Variants in RLBP1 observed in about 807,000 individuals in gnomAD.
RLBP1 encodes retinaldehyde-binding protein 1.
In RLBP1, 26 loss-of-function variants were observed where a neutral mutation model predicts 36.2. That is an observed-to-expected ratio of 0.72 (90% CI 0.53 to 1.00). RLBP1 has a LOEUF of 1.00. RLBP1 is among the 50% of genes least tolerant of loss of function. The pLI, the probability that RLBP1 is intolerant of heterozygous loss-of-function variation, is 0.00. For missense variants in RLBP1, 410 were observed against 402.4 expected (o/e 1.02, Z -0.16); for synonymous variants, 155 against 156.2 (o/e 0.99, Z 0.06).
At chr15:89,212,811 C>T (rs570927587) in intron 6 of RLBP1, among the ~76,000 whole-genome samples, 1 of 151,890 alleles carries the variant, frequency 6.6e-6, no homozygotes, top group Non-Finnish European at 1.5e-5. Context: ...TCACTGCAAC[C>T]TCTGCCTCAC....
Position 89,214,493 on chromosome 15 carries a change from T to C in RLBP1, c.525+567A>G, listed in dbSNP as rs1219203298. Reference sequence around the variant, plus strand: ...AAATAAATAAAATAAAATAAGTTTGTAGCAGTTTTTTTTTTAAATTAAAGG... The same window carrying C: ...AAATAAATAAAATAAAATAAGTTTGCAGCAGTTTTTTTTTTAAATTAAAGG... On this transcript the variant is annotated intron_variant, in intron 6 of 8. Transcript: ENST00000268125. This position sits in a 1 kb window ranked among gnomAD's most constrained non-coding sequence, Gnocchi z 4.6. Among the ~76,000 whole-genome samples, 22 of 134,118 alleles carry C rather than the reference T, an allele frequency of 1.6e-4. No homozygotes were observed. In the Admixed American group the frequency reaches 1.9e-3, roughly 12 times the overall value. The allele number at this position is 134,118 out of a possible 152,430, so 88.0% of individuals were successfully genotyped here.
At chr15:89,213,505 G>T (rs2051554981) in intron 6 of RLBP1, among the ~76,000 whole-genome samples, 1 of 152,074 alleles carries the variant, frequency 6.6e-6, no homozygotes, top group Admixed American at 6.5e-5. Context: ...ATGGAAGAAA[G>T]AGCCCCATTT....
Position 89,220,035 on chromosome 15 carries a change from C to T in RLBP1, c.-223-176G>A, listed in dbSNP as rs568637607. On this transcript the variant is annotated intron_variant, in intron 1 of 8. Coordinates refer to ENST00000268125, the MANE Select transcript of RLBP1 (RefSeq NM_000326.5). ...CTGCCTAAATGTCCTGCCTAAGTGC[C>T]TTCAAGAACCCTTCACCATCCTGCT... 7.9e-5 allele frequency among the ~76,000 whole-genome samples: 12 copies of T among 152,316 alleles called. 1 individual carries two copies. The South Asian group carries it at 2.3e-3, about 29-fold the overall frequency.
At chr15:89,217,516 T>A (rs1458728472) in intron 4 of RLBP1, among the ~76,000 whole-genome samples, 192 bp from the exon 5 acceptor site, 1 of 152,202 alleles carries the variant, frequency 6.6e-6, no homozygotes, top group Non-Finnish European at 1.5e-5. Context: ...GTGGAGAGAA[T>A]TCGCATATTT....
chr15:89,217,078 C>T, intron 5 of RLBP1, 42 bp downstream of exon 5: 1 of 1,600,158 alleles, frequency 6.2e-7, no homozygotes, highest in African/African-American at 1.3e-5. Flanking sequence ...TCCTCATGGC[C>T]TCCCGTCTTC....
At position 89,210,908 on chromosome 15, in the gene RLBP1, T is replaced by A. The variant is rs949538609; in HGVS notation, c.685-99A>T. On this transcript the variant is annotated intron_variant, in intron 7 of 8. Transcript: ENST00000268125. This position sits in a 1 kb window ranked among gnomAD's most constrained non-coding sequence, Gnocchi z 4.7. ...CTCTCCTCATGGCATAGAACAGACT[T>A]GTCCAGCATCACAGGGCTGCCCTGG... is the stretch of plus-strand genomic sequence containing the variant. The A allele has an allele frequency of 1.2e-6, 1 of 820,140 alleles. No homozygotes were observed. Among genetic ancestry groups the A allele is most frequent in the African/African-American group, 1.7e-5 (1 of 58,784 alleles). 50.8% of individuals were successfully genotyped at this position (820,140 alleles called of 1,614,324 possible).
At position 89,219,039 on chromosome 15, in the gene RLBP1, C is replaced by T. The variant is rs2150972154; in HGVS notation, c.-64G>A. On this transcript the variant is annotated 5_prime_UTR_variant, in exon 3 of 9. Coordinates refer to ENST00000268125, the MANE Select transcript of RLBP1 (RefSeq NM_000326.5). ...GGATCTGCTTTCTCTGTCCTGGCCT[C>T]TCCAGCCGGCCCCTTCCCTAGGATA... 1 of 1,607,904 alleles carries T rather than the reference C, an allele frequency of 6.2e-7. No homozygotes were observed. The highest frequency in any genetic ancestry group is 8.5e-7 in the Non-Finnish European group (1 of 1,175,008).
Position 89,218,529 on chromosome 15 carries a change from C to G in RLBP1, c.141+36G>C, listed in dbSNP as rs1446495324. On this transcript the variant is annotated intron_variant, in intron 4 of 8. Transcript: ENST00000268125. The surrounding 1 kb of genome is among the most constrained non-coding windows in gnomAD (Gnocchi z 4.6). ...GTCATGTTCCCCTCATGTTGCCTCC[C>G]TAGGCTGCTCCTCTCCGCACTGTCA... The G allele has an allele frequency of 1.2e-6, 2 of 1,613,992 alleles. No individual in the cohort carries two copies. The highest frequency in any genetic ancestry group is 3.3e-5 in the Admixed American group (2 of 60,026).
chr15:89,219,130 CT>C (rs1337935396), intron 2 of RLBP1, 55 bp from the exon 3 acceptor site: 1 of 853,808 alleles, frequency 1.2e-6, no homozygotes, highest in African/African-American at 1.6e-5. Flanking sequence ...GGATCTCAAA[CT>C]TTCAATTGCA....
Position 89,210,324 on chromosome 15 carries a change from G to C in RLBP1, c.915C>G (p.Leu305=). Residue 305 remains leucine (L), a synonymous_variant, in exon 9 of 9, where the codon CTC becomes CTG. Coordinates refer to ENST00000268125, the MANE Select transcript of RLBP1 (RefSeq NM_000326.5). The surrounding 1 kb of genome is among the most constrained non-coding windows in gnomAD (Gnocchi z 4.7). ...KYDGKAVAEQ[L]FGPQAQAENT... ...TCTCAGCTTGGGCCTGGGGGCCAAA[G>C]AGCTGCTCAGCAACGGCCTTGCCAT... 6.2e-7 allele frequency: 1 copy of C among 1,614,228 alleles called. No individual in the cohort carries two copies. The highest frequency in any genetic ancestry group is 8.5e-7 in the Non-Finnish European group (1 of 1,180,052).
intron 1 of RLBP1, among the ~76,000 whole-genome samples, chr15:89,220,225 A>T (rs1359293788): frequency 6.6e-6 from 1 of 152,064 alleles, no homozygotes; most frequent in Non-Finnish European, 1.5e-5. Context: ...CGTCATAGAA[A>T]CCTTAAAGGT....
intron 5 of RLBP1, 40 bp downstream of exon 5, chr15:89,217,080 C>G: frequency 4.4e-6 from 7 of 1,603,442 alleles, no homozygotes; most frequent in Non-Finnish European, 6.0e-6. Flanking sequence ...CTCATGGCCT[C>G]CCGTCTTCCC....
chr15:89,217,164 CG>C lies in RLBP1; in HGVS notation c.301del (p.Arg101AlafsTer18). ...KDSGFFLRFI[R>X]ARKFNVGRAY... ...ACGGCCCACGTTGAACTTCCGTGCG[CG>C]GATGAAGCGCAGGAAGAAGCCGCTG... is the stretch of plus-strand genomic sequence containing the variant. On this transcript the variant is annotated frameshift_variant, in exon 5 of 9. Coordinates refer to ENST00000268125, the MANE Select transcript of RLBP1 (RefSeq NM_000326.5). LOFTEE classifies it high-confidence loss of function. 6.2e-7 allele frequency: 1 copy of C among 1,614,086 alleles called. No individual in the cohort carries two copies. Among genetic ancestry groups the C allele is most frequent in the South Asian group, 1.1e-5 (1 of 91,082 alleles).
Position 89,210,370 on chromosome 15 carries a change from C to T in RLBP1, c.869G>A (p.Gly290Glu), listed in dbSNP as rs2051526814. The T allele has an allele frequency of 6.2e-7, 1 of 1,614,092 alleles. No individual in the cohort carries two copies. Among genetic ancestry groups the T allele is most frequent in the African/African-American group, 1.3e-5 (1 of 74,938 alleles). Residue 290 changes from glycine to glutamate, a missense_variant, in exon 9 of 9, where the codon GGG (glycine) becomes GAG (glutamate). Transcript: ENST00000268125. This position sits in a 1 kb window ranked among gnomAD's most constrained non-coding sequence, Gnocchi z 4.7. ...IDENILPSDF[G>E]GTLPKYDGKA... ...GCCATCATACTTGGGCAGCGTGCCCCCGAAGTCAGAGGGCAGGATGTTCTC... is the reference window on the plus strand; with the variant it reads ...GCCATCATACTTGGGCAGCGTGCCCTCGAAGTCAGAGGGCAGGATGTTCTC...
At chr15:89,221,229 G>C (rs567388776) in intron 1 of RLBP1, among the ~76,000 whole-genome samples, 1 of 152,078 alleles carries the variant, frequency 6.6e-6, no homozygotes, top group African/African-American at 2.4e-5. Context: ...GGCTGGTCTC[G>C]AACTCCTGAC....
At position 89,210,342 on chromosome 15, in the gene RLBP1, C is replaced by T. The variant is rs1336961715; in HGVS notation, c.897G>A (p.Lys299=). ...FGGTLPKYDG[K]AVAEQLFGPQ... is the part of the protein sequence containing the mutation. ...GGCCAAAGAGCTGCTCAGCAACGGCCTTGCCATCATACTTGGGCAGCGTGC... is the reference window on the plus strand; with the variant it reads ...GGCCAAAGAGCTGCTCAGCAACGGCTTTGCCATCATACTTGGGCAGCGTGC... The change falls in exon 9 of 9, where the codon AAG becomes AAA. Residue 299 remains lysine (K), a synonymous_variant. Transcript: ENST00000268125. The surrounding 1 kb of genome is among the most constrained non-coding windows in gnomAD (Gnocchi z 4.7). 3.7e-6 allele frequency: 6 copies of T among 1,614,248 alleles called. No homozygotes were observed. In the East Asian group the frequency reaches 1.3e-4, roughly 36 times the overall value.
intron 5 of RLBP1, 95 bp downstream of exon 5, chr15:89,217,025 A>G (rs1157619999): frequency 4.1e-5 from 55 of 1,333,208 alleles, no homozygotes; most frequent in Non-Finnish European, 5.8e-5. Context: ...TGCCCACAGT[A>G]TGGAAGCAGG....
intron 1 of RLBP1, among the ~76,000 whole-genome samples, chr15:89,220,568 T>G (rs978823058): frequency 6.6e-5 from 10 of 152,096 alleles, no homozygotes; most frequent in African/African-American, 1.9e-4. Context: ...ACAGGGAAGT[T>G]CTGGGGGCCA....
At chr15:89,219,102 T>C in intron 2 of RLBP1, 27 bp from the exon 3 acceptor site, 1 of 1,085,158 alleles carries the variant, frequency 9.2e-7, no homozygotes, top group African/African-American at 1.5e-5. Context: ...AACCATTCTG[T>C]TATTGTCTCA....
Sources: allele counts gnomAD v4.1 joint callset (sites outside exome capture counted in the v4.1 genomes callset), GRCh38; gene constraint gnomAD v4.1.1; non-coding constraint Gnocchi (gnomAD v3.1); transcripts MANE v1.5; gene names NCBI Gene and HGNC (gene_info 2026-07-23, HGNC 2026-07-21).